MGAT4C: variants seen among roughly 807,000 people sequenced by gnomAD.
The protein encoded by MGAT4C is alpha-1,3-mannosyl-glycoprotein 4-beta-N-acetylglucosaminyltransferase C.
In MGAT4C, 19 loss-of-function variants were observed where a neutral mutation model predicts 40.1. The observed-to-expected ratio is 0.47, with a 90% CI of 0.33 to 0.70. The LOEUF (loss-of-function observed/expected upper bound fraction) is 0.70. Among genes scored for constraint, MGAT4C ranks in the 30% least tolerant of loss-of-function variants. The probability of loss-of-function intolerance (pLI) is 0.02; values close to 1 mark genes in which losing one functional copy is unlikely to be tolerated. For missense variants in MGAT4C, 491 were observed against 563.2 expected (o/e 0.87, Z 1.30); for synonymous variants, 181 against 187.1 (o/e 0.97, Z 0.27).
intron 1 of MGAT4C, among the ~76,000 whole-genome samples, chr12:86,771,039 A>G (rs1009222467): frequency 6.6e-6 from 1 of 152,134 alleles, no homozygotes; most frequent in Non-Finnish European, 1.5e-5. Flanking sequence ...TCCTAATTCA[A>G]TATGACTGGT....
chr12:86,784,773 G>T (rs1204956677), intron 1 of MGAT4C, among the ~76,000 whole-genome samples: 2 of 151,782 alleles, frequency 1.3e-5, no homozygotes, highest in Non-Finnish European at 2.9e-5. Flanking sequence ...CTTAGAAAAA[G>T]AAAAAGACAT....
chr12:86,265,265 G>C (rs1195929479), intron 4 of MGAT4C, among the ~76,000 whole-genome samples: 2 of 152,162 alleles, frequency 1.3e-5, no homozygotes, highest in Non-Finnish European at 2.9e-5. Context: ...AAAACAGGCA[G>C]AACGAGCCCA....
intron 2 of MGAT4C, among the ~76,000 whole-genome samples, chr12:86,639,974 A>G: frequency 6.6e-6 from 1 of 151,832 alleles, no homozygotes; most frequent in African/African-American, 2.4e-5. Flanking sequence ...AAATTATGAA[A>G]CATCATATAT....
intron 2 of MGAT4C, among the ~76,000 whole-genome samples, chr12:86,525,976 T>C (rs7298777): frequency 0.012 from 1,857 of 152,296 alleles, 30 homozygotes; most frequent in African/African-American, 0.043. Context: ...TTGTTGGCTA[T>C]GGCAGGGGGC....
intron 1 of MGAT4C, among the ~76,000 whole-genome samples, chr12:86,734,341 A>G (rs928193867): frequency 3.3e-5 from 5 of 152,100 alleles, no homozygotes; most frequent in Admixed American, 1.3e-4. Context: ...TTGAAGACTC[A>G]GGAACAAAAA....
Position 85,973,046 on chromosome 12 carries a change from T to C in MGAT4C, c.*6243A>G, listed in dbSNP as rs941949112. ...AATGAGAAACCTGACTCAGATGAAGTTACAAAAAAAGTACTTTTTAAATGT... is the reference window on the plus strand; with the variant it reads ...AATGAGAAACCTGACTCAGATGAAGCTACAAAAAAAGTACTTTTTAAATGT... On this transcript the variant is annotated 3_prime_UTR_variant, in exon 5 of 5. Coordinates refer to ENST00000611864, the MANE Select transcript of MGAT4C (RefSeq NM_001351288.2). 2 of 150,780 alleles carry C rather than the reference T, an allele frequency of 1.3e-5. No homozygotes were observed. The highest frequency in any genetic ancestry group is 3.0e-5 in the Non-Finnish European group (2 of 67,064). 9.3% of individuals were successfully genotyped at this position (150,780 alleles called of 1,614,324 possible). A position where few individuals can be genotyped will look rare whatever the true frequency, so the allele number is the denominator to read the frequency against.
At chr12:86,552,026 C>CA (rs201076856) in intron 2 of MGAT4C, among the ~76,000 whole-genome samples, 10,118 of 60,464 alleles carry the variant, frequency 0.17, 454 homozygotes, top group East Asian at 0.3. Context: ...TTAAAAAAAG[C>CA]AAAAAAAAAA....
intron 4 of MGAT4C, among the ~76,000 whole-genome samples, chr12:86,289,497 C>T (rs1289300905): frequency 2.6e-5 from 4 of 151,906 alleles, no homozygotes; most frequent in Admixed American, 1.3e-4. Context: ...TGCTTTGGGC[C>T]GTATGACCAT....
intron 3 of MGAT4C, among the ~76,000 whole-genome samples, chr12:86,352,020 T>C (rs1342695840): frequency 2.6e-5 from 4 of 151,956 alleles, no homozygotes; most frequent in Non-Finnish European, 5.9e-5. Context: ...TATAGAAAAA[T>C]TGCAGATAAA....
At chr12:86,257,069 G>GT (rs1007735033), upstream of MGAT4C, among the ~76,000 whole-genome samples, 5 of 152,240 alleles carry the variant, frequency 3.3e-5, no homozygotes, top group East Asian at 1.9e-4. Flanking sequence ...TTAAATATTG[G>GT]TTTTTACAAA....
At chr12:86,019,636 C>T (rs918165145) in intron 2 of MGAT4C, among the ~76,000 whole-genome samples, 4 of 152,138 alleles carry the variant, frequency 2.6e-5, no homozygotes, top group Non-Finnish European at 4.4e-5. Flanking sequence ...ATGCCTCCAG[C>T]CTTGTTCTTT....
chr12:86,154,810 C>T (rs982410045), intron 1 of MGAT4C, among the ~76,000 whole-genome samples: 3 of 152,122 alleles, frequency 2.0e-5, no homozygotes, highest in African/African-American at 7.2e-5. Context: ...ATTTTATCTA[C>T]AATTACGTGT....
chr12:85,998,855 AC>A (rs1441156790), intron 2 of MGAT4C, among the ~76,000 whole-genome samples: 1 of 152,078 alleles, frequency 6.6e-6, no homozygotes, highest in Non-Finnish European at 1.5e-5. Context: ...CCTGCCTGTT[AC>A]CCATTTCCAA....
At chr12:86,010,841 G>A (rs1389145957) in intron 2 of MGAT4C, among the ~76,000 whole-genome samples, 9 of 152,114 alleles carry the variant, frequency 5.9e-5, no homozygotes, top group Admixed American at 5.9e-4. Flanking sequence ...ATGGGCTAAT[G>A]GATTAGTGGG....
rs1369038379 is a variant in MGAT4C, at chr12:85,978,320, T to C, written c.*969A>G. On this transcript the variant is annotated 3_prime_UTR_variant, in exon 5 of 5. Transcript: ENST00000611864. The stretch of plus-strand genomic sequence containing the variant: ...TTGCTAGGAAATAGATCTTTGATTC[T>C]AGAAAAGTCAACTAATTTCTATGGT... The C allele has an allele frequency of 6.6e-6, 1 of 151,660 alleles. No homozygotes were observed. Among genetic ancestry groups the C allele is most frequent in the East Asian group, 1.9e-4 (1 of 5,196 alleles). 9.4% of individuals were successfully genotyped at this position (151,660 alleles called of 1,614,324 possible). A position where few individuals can be genotyped will look rare whatever the true frequency, so the allele number is the denominator to read the frequency against.
chr12:86,657,147 A>G lies in MGAT4C; in HGVS notation c.-229+70062T>C, dbSNP rs1465048976. ...ATTCTAATTTCAAAAAATTACCAGA[A>G]AAGAGGGCAAGCAAATATTAAATAA... On this transcript the variant is annotated intron_variant, in intron 2 of 7. Coordinates refer to the MGAT4C transcript ENST00000548651. Among the ~76,000 whole-genome samples, 21 of 152,042 alleles carry G rather than the reference A, an allele frequency of 1.4e-4. 1 individual carries two copies. Among genetic ancestry groups the G allele is most frequent in the Admixed American group, 1.3e-3 (20 of 15,232 alleles).
chr12:86,115,316 G>T (rs963096662), intron 1 of MGAT4C, among the ~76,000 whole-genome samples: 1 of 151,842 alleles, frequency 6.6e-6, no homozygotes, highest in Non-Finnish European at 1.5e-5. Context: ...AGTGGAAAAA[G>T]GTGGAGGAAA....
At chr12:86,753,871 A>G (rs1951261226) in intron 1 of MGAT4C, among the ~76,000 whole-genome samples, 1 of 152,114 alleles carries the variant, frequency 6.6e-6, no homozygotes, top group Admixed American at 6.6e-5. Context: ...AGTGTTGAAA[A>G]GAATGTGAAG....
intron 1 of MGAT4C, among the ~76,000 whole-genome samples, chr12:86,746,129 T>C (rs1327681272): frequency 6.6e-6 from 1 of 151,686 alleles, no homozygotes; most frequent in Non-Finnish European, 1.5e-5. Context: ...GCTGGCTAAA[T>C]CTCTCTTGCT....
Sources: gnomAD v4.1 joint callset for allele counts (sites outside exome capture counted in the v4.1 genomes callset) on GRCh38, gnomAD v4.1.1 for gene constraint, MANE v1.5 for transcripts, NCBI Gene and HGNC (gene_info 2026-07-23, HGNC 2026-07-21) for gene names.